ANKRD30B: variants seen among roughly 807,000 people sequenced by gnomAD.
ANKRD30B encodes ankyrin repeat domain-containing protein 30B.
In ANKRD30B, 144 loss-of-function variants were observed where a neutral mutation model predicts 202.2. The ratio of observed to expected loss-of-function variants is 0.71; its 90% CI spans 0.62 to 0.82. The LOEUF is 0.82. ANKRD30B is among the 40% of genes least tolerant of loss of function. The probability of loss-of-function intolerance (pLI) is 0.00; values close to 1 mark genes in which losing one functional copy is unlikely to be tolerated. For synonymous variants in ANKRD30B, 508 were observed against 561.3 expected (o/e 0.91, Z 1.34); for missense variants, 1,487 against 1,669.1 (o/e 0.89, Z 1.90).
At chr18:14,859,176 CG>C (rs1568083875), downstream of ANKRD30B, among the ~76,000 whole-genome samples, 3 of 103,786 alleles carry the variant, frequency 2.9e-5, no homozygotes, top group Non-Finnish European at 5.9e-5. Flanking sequence ...CCAGATGGGG[CG>C]GGCTGGCAGA....
At position 14,788,986 on chromosome 18, in the gene ANKRD30B, G is replaced by A. The variant is rs536191584; in HGVS notation, c.1734+1886G>A. 5.3e-5 allele frequency among the ~76,000 whole-genome samples: 8 copies of A among 152,096 alleles called. No homozygotes were observed. The East Asian group carries it at 1.6e-3, about 30-fold the overall frequency. On this transcript the variant is annotated intron_variant, in intron 15 of 43. Transcript: ENST00000690538. ...AATCGCCACACTGACTTCCACAATG[G>A]TTGAACTAGTTTACAGTCCCACCAA...
the ANKRD30B span, among the ~76,000 whole-genome samples, chr18:14,913,603 G>A: frequency 2.0e-5 from 3 of 152,154 alleles, no homozygotes; most frequent in African/African-American, 7.2e-5. Flanking sequence ...TTATTACGTG[G>A]CAAGCCCTTA....
chr18:14,880,879 C>G, the ANKRD30B span, among the ~76,000 whole-genome samples: 1 of 151,752 alleles, frequency 6.6e-6, no homozygotes, highest in African/African-American at 2.4e-5. Flanking sequence ...TGATGTGATT[C>G]TCTGCTTGGT....
In ANKRD30B at chr18:14,763,942, G is replaced by C. The variant is rs1426567759; in HGVS notation, c.1077G>C (p.Arg359Ser). The part of the protein sequence containing the change: ...KFSWPAKERS[R>S]KITWEEKETS... ...CATGGCCAGCAAAAGAAAGATCTAGGAAGATCACATGGGAGGAAAAAGAAA... is the reference window on the plus strand; with the variant it reads ...CATGGCCAGCAAAAGAAAGATCTAGCAAGATCACATGGGAGGAAAAAGAAA... The change falls in exon 7 of 44, where the codon AGG becomes AGC. Residue 359 changes from arginine (R) to serine (S), a missense_variant. Physicochemically the swap from Arg to Ser is moderately radical, Grantham distance 110 (BLOSUM62 -1). Coordinates refer to ENST00000690538, the MANE Select transcript of ANKRD30B (RefSeq NM_001367607.2). 6 of 1,607,258 alleles carry C rather than the reference G, an allele frequency of 3.7e-6. No homozygotes were observed. The highest frequency in any genetic ancestry group is 1.4e-5 in the African/African-American group (1 of 73,892).
At position 14,833,248 on chromosome 18, in the gene ANKRD30B, C is replaced by CT. The variant is rs1250124170; in HGVS notation, c.2847+1803dup. On this transcript the variant is annotated intron_variant, in intron 34 of 43. Coordinates refer to ENST00000690538, the MANE Select transcript of ANKRD30B (RefSeq NM_001367607.2). ...ACCGCGTCCAGCCGAAACTCATGTTCTTTTTTTTTTCTTTTTTGAGACGGA... is the reference window on the plus strand; with the variant it reads ...ACCGCGTCCAGCCGAAACTCATGTTCTTTTTTTTTTTCTTTTTTGAGACGGA... Among the ~76,000 whole-genome samples the CT allele has an allele frequency of 2.5e-3, 357 of 142,522 alleles. 3 individuals are homozygous for CT. Among genetic ancestry groups the CT allele is most frequent in the Admixed American group, 3.9e-3 (56 of 14,260 alleles). 93.5% of individuals were successfully genotyped at this position (142,522 alleles called of 152,430 possible).
At chr18:14,868,452 A>G in the ANKRD30B span, among the ~76,000 whole-genome samples, 1 of 150,224 alleles carries the variant, frequency 6.7e-6, no homozygotes, top group Non-Finnish European at 1.5e-5. Flanking sequence ...GTTGTGATAA[A>G]CCTTAAGGGA....
the ANKRD30B span, among the ~76,000 whole-genome samples, chr18:14,901,828 G>T: frequency 1.3e-5 from 2 of 152,128 alleles, no homozygotes; most frequent in Non-Finnish European, 2.9e-5. Context: ...TGACCAGATT[G>T]CTTTGAGGAA....
At position 14,853,890 on chromosome 18, in the gene ANKRD30B, C is replaced by G. The variant is rs1226915855; in HGVS notation, c.4558C>G (p.His1520Asp). Among the ~76,000 whole-genome samples, 1 of 152,182 alleles carries G rather than the reference C, an allele frequency of 6.6e-6. No homozygotes were observed. The highest frequency in any genetic ancestry group is 1.5e-5 in the Non-Finnish European group (1 of 68,026). ...TTCACTAAAGGTTACATCACATTCT[C>G]ACTCTCTGAGGCATCAATAGAGGCT... ...EASLKVTSHS[H>D]SLRHQ The change falls in exon 43 of 44, where the codon CAC becomes GAC. Residue 1520 changes from histidine to aspartate, a missense_variant. By Grantham distance (81) the His-to-Asp change is moderately conservative. This residue lies in a region of ANKRD30B where 182 missense variants were observed against 216.0 expected (regional missense o/e 0.84). Transcript: ENST00000690538.
chr18:14,830,752 G>A (rs1440172339), intron 33 of ANKRD30B, among the ~76,000 whole-genome samples: 1 of 152,174 alleles, frequency 6.6e-6, no homozygotes, highest in Non-Finnish European at 1.5e-5. Flanking sequence ...ATAGAGGACA[G>A]CTTGTGAGGA....
At chr18:14,887,403 T>A in the ANKRD30B span, among the ~76,000 whole-genome samples, 1 of 152,274 alleles carries the variant, frequency 6.6e-6, no homozygotes, top group African/African-American at 2.4e-5. Context: ...AATATGATAC[T>A]TTTCTACCCA....
the ANKRD30B span, among the ~76,000 whole-genome samples, chr18:14,886,301 C>T: frequency 1.3e-5 from 2 of 151,920 alleles, no homozygotes; most frequent in Admixed American, 6.6e-5. Flanking sequence ...TCTTGATCTC[C>T]CAGACTACAA....
At chr18:14,888,124 TTATC>T in the ANKRD30B span, among the ~76,000 whole-genome samples, 1 of 152,022 alleles carries the variant, frequency 6.6e-6, no homozygotes, top group African/African-American at 2.4e-5. Context: ...TTTTGTTAAA[TTATC>T]TATTTTATTG....
intron 32 of ANKRD30B, among the ~76,000 whole-genome samples, chr18:14,824,016 T>G (rs1419584313): frequency 2.0e-5 from 3 of 152,138 alleles, no homozygotes; most frequent in African/African-American, 7.2e-5. Flanking sequence ...ATTCACCACA[T>G]ATGTGTGTGG....
intron 34 of ANKRD30B, among the ~76,000 whole-genome samples, chr18:14,835,691 AC>A (rs1403140695): frequency 2.0e-5 from 3 of 151,648 alleles, no homozygotes; most frequent in Admixed American, 2.0e-4. Context: ...ATTTTAAACT[AC>A]CATCCTATAT....
intron 16 of ANKRD30B, among the ~76,000 whole-genome samples, chr18:14,792,932 G>T (rs1968623531): frequency 6.6e-6 from 1 of 151,994 alleles, no homozygotes; most frequent in African/African-American, 2.4e-5. Flanking sequence ...TTCATGACTT[G>T]AATACTTAAA....
At chr18:14,755,709 C>T (rs1398864465) in intron 4 of ANKRD30B, among the ~76,000 whole-genome samples, 1 of 152,134 alleles carries the variant, frequency 6.6e-6, no homozygotes, top group South Asian at 2.1e-4. Context: ...CAGCTTCATC[C>T]ATGTTCCTAC....
At chr18:14,782,447 T>TA (rs1967809319) in intron 11 of ANKRD30B, 80 bp from the exon 12 acceptor site, 2 of 1,110,480 alleles carry the variant, frequency 1.8e-6, no homozygotes, top group African/African-American at 3.3e-5. Context: ...AAATTGAGTT[T>TA]AAAAAATATT....
chr18:14,796,205 G>C lies in ANKRD30B; in HGVS notation c.1826-16G>C. The C allele has an allele frequency of 6.3e-7, 1 of 1,586,936 alleles. No individual in the cohort carries two copies. Among genetic ancestry groups the C allele is most frequent in the East Asian group, 2.2e-5 (1 of 44,652 alleles). On this transcript the variant is annotated splice_polypyrimidine_tract_variant and intron_variant, in intron 16 of 43. Transcript: ENST00000690538. ...GGCTTGCATATAATCAATTATATATGTCCCTTTACGTTTAGAGTCTCCTGT... is the reference window on the plus strand; with the variant it reads ...GGCTTGCATATAATCAATTATATATCTCCCTTTACGTTTAGAGTCTCCTGT...
chr18:14,872,568 C>T, the ANKRD30B span, among the ~76,000 whole-genome samples: 36 of 152,248 alleles, frequency 2.4e-4, no homozygotes, highest in Admixed American at 2.4e-3. Flanking sequence ...CCCCAAGCAA[C>T]TCAGTCTCCT....
Sources: allele counts gnomAD v4.1 joint callset (sites outside exome capture counted in the v4.1 genomes callset), GRCh38; gene constraint gnomAD v4.1.1; regional missense constraint gnomAD v4.1.1; transcripts MANE v1.5; gene names NCBI Gene and HGNC (gene_info 2026-07-23, HGNC 2026-07-21).